Variants in PPM1B observed in about 807,000 individuals in gnomAD.
PPM1B encodes the protein protein phosphatase 1B.
Under a neutral mutation model 43.0 loss-of-function variants are expected in PPM1B, and 22 were observed. That is an observed-to-expected ratio of 0.51 (90% CI 0.37 to 0.73). The LOEUF (loss-of-function observed/expected upper bound fraction) is 0.73. PPM1B is among the 30% of genes least tolerant of loss of function. The pLI is 0.00. For missense variants in PPM1B, 632 were observed against 584.2 expected, an observed-to-expected ratio of 1.08 and a Z score of -0.84; for synonymous variants, 217 against 197.9, an observed-to-expected ratio of 1.10 and a Z score of -0.81.
At chr2:44,170,931 C>G (rs997467516) in intron 1 of PPM1B, among the ~76,000 whole-genome samples, 2 of 152,148 alleles carry the variant, frequency 1.3e-5, no homozygotes, top group Non-Finnish European at 1.5e-5. Flanking sequence ...TGCTTCTTCT[C>G]TCAATGCCTT....
chr2:44,214,868 T>C (rs112034151), intron 3 of PPM1B, among the ~76,000 whole-genome samples: 410 of 152,332 alleles, frequency 2.7e-3, no homozygotes, highest in Middle Eastern at 0.01. Flanking sequence ...TCAAAATAAA[T>C]GAGAATTATG....
intron 1 of PPM1B, among the ~76,000 whole-genome samples, chr2:44,198,798 A>T (rs1430826237): frequency 2.6e-5 from 4 of 152,120 alleles, no homozygotes; most frequent in Admixed American, 2.0e-4. Context: ...ACTGTTGAAG[A>T]TTCTTACTTT....
At chr2:44,193,505 C>T (rs982571325) in intron 1 of PPM1B, among the ~76,000 whole-genome samples, 4 of 152,046 alleles carry the variant, frequency 2.6e-5, no homozygotes, top group African/African-American at 7.2e-5. Context: ...GCAGTCCTCC[C>T]GCTGTAGCTT....
At chr2:44,215,295 A>C (rs1669669786) in intron 3 of PPM1B, among the ~76,000 whole-genome samples, 1 of 152,140 alleles carries the variant, frequency 6.6e-6, no homozygotes, top group Non-Finnish European at 1.5e-5. Flanking sequence ...TAGAGCTACA[A>C]AAAAGTTTTA....
intron 5 of PPM1B, among the ~76,000 whole-genome samples, chr2:44,228,895 T>C (rs1394294406): frequency 6.6e-6 from 1 of 152,116 alleles, no homozygotes; most frequent in Non-Finnish European, 1.5e-5. Context: ...AATGAAGATA[T>C]TTTTCAGCCA....
At chr2:44,190,708 A>C (rs1309580235) in intron 1 of PPM1B, among the ~76,000 whole-genome samples, 2 of 152,190 alleles carry the variant, frequency 1.3e-5, no homozygotes, top group Non-Finnish European at 2.9e-5. Context: ...ATTTTGGCTA[A>C]ACAGTTTCTG....
chr2:44,195,600 C>A (rs886492374), intron 1 of PPM1B, among the ~76,000 whole-genome samples: 8 of 152,212 alleles, frequency 5.3e-5, no homozygotes, highest in Admixed American at 3.3e-4. Flanking sequence ...TTGCTGGACG[C>A]CAGGAGTTCA....
chr2:44,217,913 GGTGA>G, intron 3 of PPM1B, 50 bp from the exon 4 acceptor site: 1 of 1,064,706 alleles, frequency 9.4e-7, no homozygotes, highest in Non-Finnish European at 1.3e-6. Flanking sequence ...TTCACTTCTT[GGTGA>G]GTACTGGCTT....
chr2:44,213,941 A>G (rs899489353), intron 3 of PPM1B, among the ~76,000 whole-genome samples: 2 of 152,214 alleles, frequency 1.3e-5, no homozygotes, highest in African/African-American at 4.8e-5. Flanking sequence ...TTCCTCATTC[A>G]TAAAGAAACT....
intron 5 of PPM1B, among the ~76,000 whole-genome samples, chr2:44,220,990 T>A (rs1291779575): frequency 6.6e-6 from 1 of 152,210 alleles, no homozygotes; most frequent in African/African-American, 2.4e-5. Context: ...GTTGCAGAGG[T>A]ACTTGCTAAG....
intron 1 of PPM1B, among the ~76,000 whole-genome samples, chr2:44,198,700 ACT>A (rs911525940): frequency 6.6e-6 from 1 of 151,860 alleles, no homozygotes; most frequent in African/African-American, 2.4e-5. Context: ...AGGGCCATTA[ACT>A]CTCTCAGATT....
intron 1 of PPM1B, among the ~76,000 whole-genome samples, chr2:44,186,075 G>C (rs181088659): frequency 6.6e-6 from 1 of 152,260 alleles, no homozygotes; most frequent in Non-Finnish European, 1.5e-5. Context: ...ATTTGATGCA[G>C]GTGTTTGTGA....
At chr2:44,188,026 A>G (rs1480979816) in intron 1 of PPM1B, among the ~76,000 whole-genome samples, 1 of 152,200 alleles carries the variant, frequency 6.6e-6, no homozygotes, top group East Asian at 1.9e-4. Flanking sequence ...CTAGGATTAC[A>G]GGCGTGAGAC....
In PPM1B at chr2:44,218,082, A is replaced by G; in HGVS notation, c.1076+4A>G. 1 of 1,600,554 alleles carries G rather than the reference A, an allele frequency of 6.2e-7. No homozygotes were observed. Among genetic ancestry groups the G allele is most frequent in the Non-Finnish European group, 8.6e-7 (1 of 1,169,168 alleles). On this transcript the variant is annotated splice_donor_region_variant and intron_variant, in intron 4 of 5. Transcript: ENST00000282412. ...CTGGGGGAGGTCTTGCTGGCAAGTA[A>G]GTAGAACAAAAAGCTAATTTTGAGT... is the stretch of plus-strand genomic sequence containing the variant.
chr2:44,230,772 T>A lies in PPM1B; in HGVS notation c.*54T>A, dbSNP rs1411741015. On this transcript the variant is annotated 3_prime_UTR_variant, in exon 6 of 6. Transcript: ENST00000282412. ...CTTTGATGGTTTTTAACCTAGGAAG[T>A]GTAATGTATGCATTTATATAACTGT... 30 of 1,556,930 alleles carry A rather than the reference T, an allele frequency of 1.9e-5. No individual in the cohort carries two copies. Among genetic ancestry groups the A allele is most frequent in the Non-Finnish European group, 2.6e-5 (30 of 1,151,234 alleles).
intron 1 of PPM1B, among the ~76,000 whole-genome samples, chr2:44,199,318 T>TA (rs1287209258): frequency 0.027 from 1,849 of 69,084 alleles, 47 homozygotes; most frequent in African/African-American, 0.11. Context: ...AAAAAAAAAA[T>TA]AAAAATAAAA....
intron 1 of PPM1B, among the ~76,000 whole-genome samples, chr2:44,170,301 A>G (rs767997778): frequency 1.3e-5 from 2 of 152,264 alleles, no homozygotes; most frequent in African/African-American, 4.8e-5. Context: ...TGATAGTCAC[A>G]GTTAAAGAGC....
At chr2:44,180,561 G>A (rs1667825449) in intron 1 of PPM1B, among the ~76,000 whole-genome samples, 1 of 152,112 alleles carries the variant, frequency 6.6e-6, no homozygotes, top group Non-Finnish European at 1.5e-5. Context: ...TTCTGGGAAT[G>A]TTGAAAAATT....
chr2:44,188,327 G>A (rs1668225454), intron 1 of PPM1B, among the ~76,000 whole-genome samples: 1 of 150,444 alleles, frequency 6.6e-6, no homozygotes, highest in Non-Finnish European at 1.5e-5. Flanking sequence ...CTTTGATTTA[G>A]TTTTTTCCTT....
Sources: allele counts gnomAD v4.1 joint callset (sites outside exome capture counted in the v4.1 genomes callset), GRCh38; gene constraint gnomAD v4.1.1; transcripts MANE v1.5; gene names NCBI Gene and HGNC (gene_info 2026-07-23, HGNC 2026-07-21).